ADAMTSL1: variants seen among roughly 807,000 people sequenced by gnomAD.
ADAMTSL1 encodes ADAMTS-like protein 1.
A neutral mutation model predicts 201.8 loss-of-function variants in ADAMTSL1; 126 were observed. The observed-to-expected ratio is 0.62, with a 90% CI of 0.54 to 0.72. The LOEUF is 0.72. ADAMTSL1 is among the 30% of genes least tolerant of loss of function. The pLI is 0.00. For synonymous variants in ADAMTSL1, 1,121 were observed against 903.4 expected, an observed-to-expected ratio of 1.24 and a Z score of -4.32; for missense variants, 2,679 against 2,277.8, an observed-to-expected ratio of 1.18 and a Z score of -3.59.
At chr9:18,042,424 A>G (rs142917277) in intron 1 of ADAMTSL1, among the ~76,000 whole-genome samples, 209 of 152,246 alleles carry the variant, frequency 1.4e-3, no homozygotes, top group African/African-American at 4.9e-3. Flanking sequence ...AATCCTCATG[A>G]CAGCTCACTG....
intron 23 of ADAMTSL1, among the ~76,000 whole-genome samples, chr9:18,867,635 T>A (rs1053932917): frequency 2.0e-5 from 3 of 152,084 alleles, no homozygotes; most frequent in Non-Finnish European, 4.4e-5. Context: ...AATGCGTACA[T>A]CTTTTTTTTT....
At chr9:18,647,692 T>C (rs4636296) in intron 7 of ADAMTSL1, among the ~76,000 whole-genome samples, 27,943 of 143,482 alleles carry the variant, frequency 0.19, 2,998 homozygotes, top group Middle Eastern at 0.27. Context: ...TGTAGTTGAG[T>C]GGTTTTGAGT....
intron 2 of ADAMTSL1, among the ~76,000 whole-genome samples, chr9:18,381,944 C>T (rs777241870): frequency 2.6e-5 from 4 of 152,108 alleles, no homozygotes; most frequent in Non-Finnish European, 5.9e-5. Context: ...TTTTTCCCTT[C>T]CCTAGCATGT....
At chr9:18,295,854 T>G (rs1833460356) in intron 2 of ADAMTSL1, among the ~76,000 whole-genome samples, 1 of 152,244 alleles carries the variant, frequency 6.6e-6, no homozygotes, top group African/African-American at 2.4e-5. Flanking sequence ...GACATACATT[T>G]GGATTTTTAA....
intron 15 of ADAMTSL1, among the ~76,000 whole-genome samples, chr9:18,722,314 C>A (rs994856500): frequency 6.6e-6 from 1 of 152,144 alleles, no homozygotes; most frequent in Middle Eastern, 3.2e-3. Context: ...CTTCTAGATA[C>A]TTCTTTTTGA....
At chr9:18,196,450 C>T (rs766821332) in intron 2 of ADAMTSL1, among the ~76,000 whole-genome samples, 1 of 151,942 alleles carries the variant, frequency 6.6e-6, no homozygotes, top group Non-Finnish European at 1.5e-5. Context: ...GCTGTTGCAG[C>T]CAACCAACCA....
At chr9:18,269,460 T>C (rs938123097) in intron 2 of ADAMTSL1, among the ~76,000 whole-genome samples, 3 of 152,002 alleles carry the variant, frequency 2.0e-5, no homozygotes, top group African/African-American at 7.3e-5. Context: ...ACACATCAAA[T>C]AAAAACCTGA....
intron 2 of ADAMTSL1, among the ~76,000 whole-genome samples, chr9:18,355,148 G>C (rs995734815): frequency 1.2e-4 from 19 of 152,086 alleles, no homozygotes; most frequent in Non-Finnish European, 1.9e-4. Context: ...CCTGAATCCT[G>C]CTGTTTCACC....
intron 2 of ADAMTSL1, among the ~76,000 whole-genome samples, chr9:18,399,303 A>G (rs1452707272): frequency 2.8e-5 from 3 of 108,288 alleles, no homozygotes; most frequent in African/African-American, 1.1e-4. Flanking sequence ...ATATATATAT[A>G]TATATATATA....
chr9:18,344,680 A>G (rs539811495), intron 2 of ADAMTSL1, among the ~76,000 whole-genome samples: 2 of 152,288 alleles, frequency 1.3e-5, no homozygotes, highest in South Asian at 2.1e-4. Flanking sequence ...GGCCATTAAC[A>G]TTGATACAGG....
intron 15 of ADAMTSL1, among the ~76,000 whole-genome samples, chr9:18,722,172 A>G (rs572444746): frequency 6.6e-6 from 1 of 152,300 alleles, no homozygotes; most frequent in African/African-American, 2.4e-5. Flanking sequence ...CGTAAAATCA[A>G]TTAGAGCATT....
intron 3 of ADAMTSL1, among the ~76,000 whole-genome samples, chr9:18,535,081 A>C (rs1424278616): frequency 6.6e-6 from 1 of 152,136 alleles, no homozygotes; most frequent in Non-Finnish European, 1.5e-5. Context: ...CTCCCAGAAA[A>C]AAATTTTTTC....
intron 19 of ADAMTSL1, among the ~76,000 whole-genome samples, chr9:18,782,628 A>G (rs1233137997): frequency 1.3e-5 from 2 of 152,246 alleles, no homozygotes; most frequent in Non-Finnish European, 2.9e-5. Context: ...ACATAAAAGT[A>G]AGCAAGAAAA....
At chr9:18,719,000 C>T (rs1274244920) in intron 14 of ADAMTSL1, among the ~76,000 whole-genome samples, 3 of 152,198 alleles carry the variant, frequency 2.0e-5, no homozygotes, top group Admixed American at 2.0e-4. Context: ...GGATAGAAAG[C>T]TACATCCAGT....
chr9:18,493,815 G>A (rs1822383130), intron 1 of ADAMTSL1, among the ~76,000 whole-genome samples: 1 of 152,154 alleles, frequency 6.6e-6, no homozygotes, highest in Admixed American at 6.5e-5. Flanking sequence ...TTATGAATTA[G>A]ACATTCAACT....
chr9:18,424,123 C>T (rs1488908003), intron 2 of ADAMTSL1, among the ~76,000 whole-genome samples: 13 of 152,204 alleles, frequency 8.5e-5, no homozygotes, highest in Non-Finnish European at 1.9e-4. Context: ...AGATCAATTT[C>T]CCTCTGTCTG....
chr9:18,615,733 C>T (rs998653228), intron 4 of ADAMTSL1, among the ~76,000 whole-genome samples: 1 of 152,140 alleles, frequency 6.6e-6, no homozygotes, highest in Non-Finnish European at 1.5e-5. Context: ...CAACCAATTC[C>T]TTTCTCTGGT....
chr9:18,281,626 G>C (rs1832793743), intron 2 of ADAMTSL1, among the ~76,000 whole-genome samples: 1 of 152,228 alleles, frequency 6.6e-6, no homozygotes, highest in Non-Finnish European at 1.5e-5. Context: ...TATAAGAATA[G>C]ATTGAAATAG....
intron 2 of ADAMTSL1, among the ~76,000 whole-genome samples, chr9:18,463,894 CATATGGCAA>C (rs1238906337): frequency 6.6e-6 from 1 of 152,158 alleles, no homozygotes; most frequent in African/African-American, 2.4e-5. Flanking sequence ...ATTGCTGCAT[CATATGGCAA>C]TTCTATGTTT....
Sources: gnomAD v4.1 joint callset for allele counts (sites outside exome capture counted in the v4.1 genomes callset) on GRCh38, gnomAD v4.1.1 for gene constraint, MANE v1.5 for transcripts, NCBI Gene and HGNC (gene_info 2026-07-23, HGNC 2026-07-21) for gene names.